Variants in HOMER1 observed in about 807,000 individuals in gnomAD.
HOMER1 encodes the protein homer protein homolog 1.
HOMER1 carries 3 observed loss-of-function variants against 48.9 expected under a neutral mutation model. The observed-to-expected ratio is 0.06, with a 90% CI of 0.03 to 0.16. The LOEUF (loss-of-function observed/expected upper bound fraction) is 0.16, where lower values mean the gene tolerates loss of function less well. HOMER1 is among the 10% of genes least tolerant of loss of function. The probability of loss-of-function intolerance (pLI) is 1.00; values close to 1 mark genes in which losing one functional copy is unlikely to be tolerated. For synonymous variants in HOMER1, 134 were observed against 146.4 expected (o/e 0.92, Z 0.61); for missense variants, 247 against 411.4 (o/e 0.60, Z 3.46).
intron 1 of HOMER1, among the ~76,000 whole-genome samples, chr5:79,506,119 TATTTA>T (rs368074052): frequency 2.6e-5 from 4 of 151,676 alleles, no homozygotes; most frequent in African/African-American, 4.8e-5. Context: ...TTTATTTATT[TATTTA>T]TTTTTTTGAG....
intron 8 of HOMER1, among the ~76,000 whole-genome samples, chr5:79,377,122 C>T (rs1748792328): frequency 6.6e-6 from 1 of 152,144 alleles, no homozygotes; most frequent in African/African-American, 2.4e-5. Context: ...CACGCCACCA[C>T]ACCTGGCTAA....
chr5:79,474,782 G>T (rs1050382747), intron 1 of HOMER1, among the ~76,000 whole-genome samples: 2 of 152,004 alleles, frequency 1.3e-5, no homozygotes, highest in African/African-American at 4.8e-5. Context: ...AAACTGAAAG[G>T]TTACAGATCT....
chr5:79,466,351 C>CA (rs1751463491), intron 1 of HOMER1, among the ~76,000 whole-genome samples: 1 of 151,904 alleles, frequency 6.6e-6, no homozygotes, highest in Non-Finnish European at 1.5e-5. Context: ...CCCATCTCTA[C>CA]AAAAAATTAG....
intron 5 of HOMER1, among the ~76,000 whole-genome samples, chr5:79,406,546 T>A (rs1165878251): frequency 6.6e-6 from 1 of 152,262 alleles, no homozygotes. Flanking sequence ...AGAGAAAGGA[T>A]CCTGGATGAG....
intron 6 of HOMER1, among the ~76,000 whole-genome samples, chr5:79,400,266 CTT>C (rs1749499618): frequency 6.6e-6 from 1 of 152,040 alleles, no homozygotes; most frequent in Admixed American, 6.6e-5. Flanking sequence ...CCCCACCTCT[CTT>C]AAGTTAATTT....
chr5:79,513,912 C>G lies in HOMER1; in HGVS notation c.-1138G>C, dbSNP rs1753020106. The G allele has an allele frequency of 6.4e-6, 1 of 155,542 alleles. No homozygotes were observed. The highest frequency in any genetic ancestry group is 1.4e-5 in the Non-Finnish European group (1 of 70,342). 9.6% of individuals were successfully genotyped at this position (155,542 alleles called of 1,614,324 possible). On this transcript the variant is annotated 5_prime_UTR_variant, in exon 1 of 9. Transcript: ENST00000334082. ...CCCCTACTCCTCGTCTCTCACGCTC[C>G]GCGCCGCCGCCACGCGCCGCCTCAC...
intron 1 of HOMER1, among the ~76,000 whole-genome samples, chr5:79,469,292 A>G (rs1020197561): frequency 6.6e-4 from 100 of 152,340 alleles, no homozygotes; most frequent in African/African-American, 2.2e-3. Flanking sequence ...AACATATTTA[A>G]TGTTAAACTA....
chr5:79,384,501 T>C (rs1290284143), intron 8 of HOMER1, among the ~76,000 whole-genome samples: 1 of 152,122 alleles, frequency 6.6e-6, no homozygotes, highest in Non-Finnish European at 1.5e-5. Flanking sequence ...ACTGAATCAG[T>C]AGTAAGAAGT....
At chr5:79,377,705 G>A (rs1361100472) in intron 8 of HOMER1, among the ~76,000 whole-genome samples, 1 of 152,222 alleles carries the variant, frequency 6.6e-6, no homozygotes, top group Admixed American at 6.5e-5. Context: ...AGACAATCTG[G>A]TAAATGTTAA....
chr5:79,507,574 CATCAGAAAAAAATTAT>C (rs1459697839), intron 1 of HOMER1, among the ~76,000 whole-genome samples: 4 of 152,028 alleles, frequency 2.6e-5, no homozygotes, highest in Non-Finnish European at 5.9e-5. Context: ...TTAAAAACTA[CATCAGAAAAAAATTAT>C]ATCAGAAAAC....
At chr5:79,440,956 A>G (rs1346466166) in intron 4 of HOMER1, among the ~76,000 whole-genome samples, 1 of 152,094 alleles carries the variant, frequency 6.6e-6, no homozygotes, top group Admixed American at 6.5e-5. Context: ...TCAGGAGTTC[A>G]AGACCAGCCT....
chr5:79,386,664 T>C (rs1749117987), intron 8 of HOMER1, among the ~76,000 whole-genome samples: 1 of 152,190 alleles, frequency 6.6e-6, no homozygotes, highest in Admixed American at 6.5e-5. Context: ...AGGAGCTGAA[T>C]ACCTCGAACA....
chr5:79,473,773 T>C (rs1399806477), intron 1 of HOMER1, among the ~76,000 whole-genome samples: 2 of 152,200 alleles, frequency 1.3e-5, no homozygotes, highest in East Asian at 1.9e-4. Flanking sequence ...AGCATGAGCA[T>C]AGCATATCAC....
intron 8 of HOMER1, among the ~76,000 whole-genome samples, chr5:79,395,194 A>G (rs980877075): frequency 6.6e-6 from 1 of 152,230 alleles, no homozygotes; most frequent in Non-Finnish European, 1.5e-5. Context: ...ATGTAAGTTA[A>G]GTGCTTAACA....
At chr5:79,478,441 C>A (rs1751846477) in intron 1 of HOMER1, among the ~76,000 whole-genome samples, 1 of 152,168 alleles carries the variant, frequency 6.6e-6, no homozygotes, top group South Asian at 2.1e-4. Context: ...GTAATCCTAG[C>A]ACTTTGGGAG....
At chr5:79,430,676 C>T (rs1050476761) in intron 5 of HOMER1, among the ~76,000 whole-genome samples, 1 of 152,192 alleles carries the variant, frequency 6.6e-6, no homozygotes. Context: ...TGGTGGCTCA[C>T]GCCTGTAATC....
chr5:79,406,340 T>C (rs950917168), intron 5 of HOMER1, among the ~76,000 whole-genome samples: 3 of 152,252 alleles, frequency 2.0e-5, no homozygotes, highest in African/African-American at 7.2e-5. Context: ...CATTTTATTT[T>C]CTACCTGTAT....
intron 1 of HOMER1, among the ~76,000 whole-genome samples, chr5:79,467,635 T>C (rs1751508090): frequency 6.6e-6 from 1 of 152,158 alleles, no homozygotes; most frequent in African/African-American, 2.4e-5. Context: ...ATTTGAAAAG[T>C]GGATATGTGT....
intron 5 of HOMER1, among the ~76,000 whole-genome samples, chr5:79,435,296 A>T (rs1750544634): frequency 6.6e-6 from 1 of 151,814 alleles, no homozygotes; most frequent in South Asian, 2.1e-4. Flanking sequence ...TTAGTCAAAA[A>T]TTTGAATTTT....
Sources: allele counts gnomAD v4.1 joint callset (sites outside exome capture counted in the v4.1 genomes callset), GRCh38; gene constraint gnomAD v4.1.1; transcripts MANE v1.5; gene names NCBI Gene and HGNC (gene_info 2026-07-23, HGNC 2026-07-21).